Variants in DSCAM observed in about 807,000 individuals in gnomAD.
DSCAM encodes DS cell adhesion molecule.
In DSCAM, 47 loss-of-function variants were observed where a neutral mutation model predicts 217.7. The observed-to-expected ratio is 0.22, with a 90% confidence interval of 0.17 to 0.28. The LOEUF (loss-of-function observed/expected upper bound fraction) is 0.28, where lower values mean the gene tolerates loss of function less well. Among genes scored for constraint, DSCAM ranks in the 10% least tolerant of loss-of-function variants. The pLI is 1.00. For missense variants in DSCAM, 2,080 were observed against 2,618.3 expected (o/e 0.79, Z 4.49); for synonymous variants, 1,056 against 1,015.3 (o/e 1.04, Z -0.76).
chr21:40,357,725 G>T (rs374854541), intron 4 of DSCAM, among the ~76,000 whole-genome samples: 3 of 152,022 alleles, frequency 2.0e-5, no homozygotes, highest in South Asian at 2.1e-4. Context: ...GTGCGGGGAG[G>T]GGGGAGAGAT....
intron 3 of DSCAM, among the ~76,000 whole-genome samples, chr21:40,604,814 C>G (rs952171779): frequency 6.6e-6 from 1 of 152,124 alleles, no homozygotes; most frequent in African/African-American, 2.4e-5. Context: ...TTGCAGTATA[C>G]CCAAGTCCCT....
At chr21:40,029,426 G>GTTTTTTTTTTTTTT (rs924937730) in intron 32 of DSCAM, among the ~76,000 whole-genome samples, 113 of 141,640 alleles carry the variant, frequency 8.0e-4, no homozygotes, top group African/African-American at 3.0e-3. Flanking sequence ...ATTTGAGGTT[G>GTTTTTTTTTTTTTT]TTTTTTTTTT....
intron 15 of DSCAM, 74 bp from the exon 16 acceptor site, chr21:40,167,362 TG>T (rs2090608179): frequency 8.7e-6 from 12 of 1,381,872 alleles, no homozygotes; most frequent in Non-Finnish European, 1.2e-5. Flanking sequence ...CAGCCAAAGG[TG>T]GTCCCCGAGG....
chr21:40,594,547 G>A (rs1490661744), intron 3 of DSCAM, among the ~76,000 whole-genome samples: 1 of 152,172 alleles, frequency 6.6e-6, no homozygotes, highest in African/African-American at 2.4e-5. Context: ...CAGCTGTCAG[G>A]CCATTAGTTA....
intron 3 of DSCAM, among the ~76,000 whole-genome samples, chr21:40,654,094 C>CAA (rs1479399594): frequency 9.9e-6 from 1 of 100,822 alleles, no homozygotes; most frequent in African/African-American, 4.8e-5. Flanking sequence ...GATTCCATCT[C>CAA]AAAAAGAAAA....
chr21:40,492,137 A>AG (rs2076080969), intron 3 of DSCAM, among the ~76,000 whole-genome samples: 1 of 150,534 alleles, frequency 6.6e-6, no homozygotes, highest in Admixed American at 6.6e-5. Flanking sequence ...CCATTGCTTT[A>AG]GAAAAAAAAA....
At chr21:40,032,801 A>G (rs910562574) in intron 32 of DSCAM, among the ~76,000 whole-genome samples, 1 of 152,184 alleles carries the variant, frequency 6.6e-6, no homozygotes, top group Non-Finnish European at 1.5e-5. Flanking sequence ...TTGCATCAAT[A>G]TCCAGCTCTA....
chr21:40,127,318 A>G (rs2146676392), intron 19 of DSCAM, among the ~76,000 whole-genome samples: 1 of 152,344 alleles, frequency 6.6e-6, no homozygotes, highest in African/African-American at 2.4e-5. Flanking sequence ...AGAGTTGCAG[A>G]AGACAGAGAT....
chr21:40,708,792 G>A (rs771656927), intron 1 of DSCAM, 21 bp from the exon 2 acceptor site: 1 of 1,466,162 alleles, frequency 6.8e-7, no homozygotes, highest in Non-Finnish European at 9.1e-7. Flanking sequence ...ACAACACAGG[G>A]ATCCATAGGT....
intron 3 of DSCAM, among the ~76,000 whole-genome samples, chr21:40,676,912 G>T (rs115500399): frequency 0.01 from 1,549 of 152,198 alleles, 22 homozygotes; most frequent in African/African-American, 0.035. Context: ...GTGCTCCCTG[G>T]CTCTCCACCG....
At chr21:40,342,627 T>TAC (rs1491398394) in intron 6 of DSCAM, among the ~76,000 whole-genome samples, 1 of 59,486 alleles carries the variant, frequency 1.7e-5, no homozygotes, top group Non-Finnish European at 3.3e-5. Context: ...TGTGTGTGTG[T>TAC]ATATATATAT....
chr21:40,068,296 G>T (rs1282911779), intron 27 of DSCAM, among the ~76,000 whole-genome samples: 2 of 152,148 alleles, frequency 1.3e-5, no homozygotes, highest in African/African-American at 4.8e-5. Context: ...AGTGGAAGGG[G>T]ACTGTGGGAA....
At chr21:40,385,295 A>G (rs2075072267) in intron 3 of DSCAM, 1 of 152,258 alleles carries the variant, frequency 6.6e-6, no homozygotes, top group South Asian at 2.1e-4. Flanking sequence ...AAAATAAAGT[A>G]TATTTTATGA....
chr21:40,490,895 A>C (rs1051721090), intron 3 of DSCAM, among the ~76,000 whole-genome samples: 1 of 152,210 alleles, frequency 6.6e-6, no homozygotes, highest in Admixed American at 6.5e-5. Context: ...TAAAATTGCC[A>C]AACTTTGGCA....
rs545806993 is a variant in DSCAM, at chr21:40,550,028, C to T, written c.508+142782G>A. Among the ~76,000 whole-genome samples, 50 of 152,258 alleles carry T rather than the reference C, an allele frequency of 3.3e-4. 1 individual carries two copies. The South Asian group carries it at 8.7e-3, about 27-fold the overall frequency. The stretch of plus-strand genomic sequence containing the variant: ...TACGCTTGGTATTTTGAGTTCTTGA[C>T]GTTATTTACAAATGAAAAGAACCCT... On this transcript the variant is annotated intron_variant, in intron 3 of 32. Coordinates refer to ENST00000400454, the MANE Select transcript of DSCAM (RefSeq NM_001389.5).
intron 29 of DSCAM, among the ~76,000 whole-genome samples, chr21:40,053,713 G>C (rs1291358946): frequency 1.3e-5 from 2 of 152,314 alleles, no homozygotes; most frequent in African/African-American, 4.8e-5. Context: ...AAGGGCTCTT[G>C]CTGATACATG....
rs146727309 is a variant in DSCAM, at chr21:40,584,663, T to C, written c.508+108147A>G. ...GCAGGGCCCAAACATGGCAGCTCCCTGGAAGCCCTGAAGAGCTCTGCACAG... is the reference window on the plus strand; with the variant it reads ...GCAGGGCCCAAACATGGCAGCTCCCCGGAAGCCCTGAAGAGCTCTGCACAG... On this transcript the variant is annotated intron_variant, in intron 3 of 32. Coordinates refer to ENST00000400454, the MANE Select transcript of DSCAM (RefSeq NM_001389.5). Among the ~76,000 whole-genome samples, 129 of 152,110 alleles carry C rather than the reference T, an allele frequency of 8.5e-4. 3 individuals are homozygous for C. The East Asian group carries it at 0.023, about 27-fold the overall frequency.
chr21:40,390,328 C>T (rs9982936), intron 3 of DSCAM, among the ~76,000 whole-genome samples: 8,851 of 152,170 alleles, frequency 0.058, 392 homozygotes, highest in Non-Finnish European at 0.081. Flanking sequence ...TAGATGGATC[C>T]GTAATAGCCA....
At chr21:40,490,004 C>T (rs1454326763) in intron 3 of DSCAM, among the ~76,000 whole-genome samples, 1 of 152,120 alleles carries the variant, frequency 6.6e-6, no homozygotes, top group Non-Finnish European at 1.5e-5. Context: ...GTTTAACTGA[C>T]TCACTGTTCC....
Sources: allele counts gnomAD v4.1 joint callset (sites outside exome capture counted in the v4.1 genomes callset), GRCh38; gene constraint gnomAD v4.1.1; transcripts MANE v1.5; gene names NCBI Gene and HGNC (gene_info 2026-07-23, HGNC 2026-07-21).